The following RALYL variants were observed in gnomAD, a reference collection of about 807,000 sequenced individuals.
RALYL encodes RALY RNA binding protein like.
A neutral mutation model predicts 35.1 loss-of-function variants in RALYL; 29 were observed. The observed-to-expected ratio is 0.83, with a 90% CI of 0.61 to 1.13. The LOEUF (loss-of-function observed/expected upper bound fraction) is 1.13. RALYL is among the 50% of genes most tolerant of loss of function. The pLI, the probability that RALYL is intolerant of heterozygous loss-of-function variation, is 0.00. For missense variants in RALYL, 359 were observed against 360.4 expected (o/e 1.00, Z 0.03); for synonymous variants, 120 against 127.6 (o/e 0.94, Z 0.40).
chr8:84,831,872 T>C (rs761172764), intron 4 of RALYL, among the ~76,000 whole-genome samples: 27 of 152,266 alleles, frequency 1.8e-4, no homozygotes, highest in Non-Finnish European at 3.5e-4. Context: ...CTATAATATT[T>C]GTATGAAATA....
chr8:84,787,494 G>A (rs749141359), intron 3 of RALYL, among the ~76,000 whole-genome samples: 5 of 152,166 alleles, frequency 3.3e-5, no homozygotes, highest in South Asian at 2.1e-4. Context: ...ATGCGCATGT[G>A]TCTTTATAGT....
chr8:84,854,249 G>A (rs997356130), intron 5 of RALYL, among the ~76,000 whole-genome samples: 1 of 152,038 alleles, frequency 6.6e-6, no homozygotes, highest in African/African-American at 2.4e-5. Flanking sequence ...AGGAGGCTGA[G>A]GCAGGAGAAT....
At position 84,372,886 on chromosome 8, in the gene RALYL, G is replaced by GTTTTTTTTTT. The variant is rs76885544; in HGVS notation, c.-23-156393_-23-156384dup. On this transcript the variant is annotated intron_variant, in intron 1 of 8. Coordinates refer to ENST00000521268, the MANE Select transcript of RALYL (RefSeq NM_173848.7). ...TTTCTCCACAACCATGCCAGCATCT[G>GTTTTTTTTTT]TTTTTTTTTTTTTTTTTTTTTTTTT... Among the ~76,000 whole-genome samples, 257 of 39,068 alleles carry GTTTTTTTTTT rather than the reference G, an allele frequency of 6.6e-3. 22 individuals carry two copies. The highest frequency in any genetic ancestry group is 0.028 in the Middle Eastern group (1 of 36). 25.6% of individuals were successfully genotyped at this position (39,068 alleles called of 152,430 possible).
intron 1 of RALYL, among the ~76,000 whole-genome samples, chr8:84,487,638 T>C (rs1278937949): frequency 6.6e-6 from 1 of 152,122 alleles, no homozygotes; most frequent in East Asian, 1.9e-4. Flanking sequence ...TTCTTTTACA[T>C]ATTGTCTATG....
intron 2 of RALYL, among the ~76,000 whole-genome samples, chr8:84,721,206 A>T (rs1402504331): frequency 3.4e-5 from 3 of 87,234 alleles, no homozygotes; most frequent in Non-Finnish European, 7.8e-5. Flanking sequence ...TATCTCTATT[A>T]AAAAAAAAAA....
chr8:84,705,879 A>G, intron 2 of RALYL: 2 of 1,427,602 alleles, frequency 1.4e-6, no homozygotes, highest in Non-Finnish European at 9.1e-7. Context: ...TTTTATGAGA[A>G]TGGTATTACC....
chr8:84,412,780 C>G (rs1009671520), intron 1 of RALYL, among the ~76,000 whole-genome samples: 12 of 151,920 alleles, frequency 7.9e-5, no homozygotes, highest in African/African-American at 2.7e-4. Flanking sequence ...ATTAAGGACC[C>G]AGGTAACTAC....
chr8:84,767,844 C>T (rs1814487474), intron 2 of RALYL, among the ~76,000 whole-genome samples: 1 of 152,202 alleles, frequency 6.6e-6, no homozygotes, highest in African/African-American at 2.4e-5. Flanking sequence ...ACAACGTGGA[C>T]CAGCCTGGTA....
intron 2 of RALYL, among the ~76,000 whole-genome samples, chr8:84,540,313 TTGTGTG>T (rs138650642): frequency 1.7e-4 from 24 of 144,890 alleles, no homozygotes; most frequent in Non-Finnish European, 2.6e-4. Context: ...ATCATAGGAT[TTGTGTG>T]TGTGTGTGTG....
chr8:84,659,344 T>C (rs1489669393), intron 2 of RALYL, among the ~76,000 whole-genome samples: 3 of 152,080 alleles, frequency 2.0e-5, no homozygotes, highest in Non-Finnish European at 4.4e-5. Context: ...CTGGAGTTGA[T>C]AGGGTCTGGC....
intron 6 of RALYL, chr8:84,864,568 G>T (rs952671813): frequency 4.7e-6 from 1 of 214,186 alleles, no homozygotes; most frequent in Non-Finnish European, 9.3e-6. Flanking sequence ...AAGCACTGGG[G>T]AAAATCACTT....
chr8:84,783,988 T>C (rs1586225177), intron 3 of RALYL, among the ~76,000 whole-genome samples: 1 of 152,330 alleles, frequency 6.6e-6, no homozygotes, highest in East Asian at 1.9e-4. Flanking sequence ...GTGTTTTTCT[T>C]CTAATTTTAG....
At chr8:84,580,150 G>A (rs146644174) in intron 2 of RALYL, among the ~76,000 whole-genome samples, 8 of 152,144 alleles carry the variant, frequency 5.3e-5, no homozygotes, top group African/African-American at 1.7e-4. Context: ...GCACAAATTG[G>A]GATAGTTTTT....
At chr8:84,337,990 T>C (rs1250302920) in intron 1 of RALYL, among the ~76,000 whole-genome samples, 3 of 152,006 alleles carry the variant, frequency 2.0e-5, no homozygotes, top group African/African-American at 4.8e-5. Context: ...ACAGCTCAAA[T>C]TAGCTCAAAG....
intron 1 of RALYL, among the ~76,000 whole-genome samples, chr8:84,522,930 T>A (rs908936760): frequency 2.0e-5 from 3 of 152,048 alleles, no homozygotes; most frequent in Non-Finnish European, 2.9e-5. Flanking sequence ...AAGAAAGAAG[T>A]TCCATGGATA....
intron 2 of RALYL, among the ~76,000 whole-genome samples, chr8:84,680,312 G>A (rs1325294317): frequency 3.9e-5 from 6 of 152,000 alleles, no homozygotes; most frequent in African/African-American, 7.2e-5. Flanking sequence ...ATAAACATAC[G>A]TGTGCATGTG....
At chr8:84,910,762 G>GT (rs1202282792) in intron 8 of RALYL, among the ~76,000 whole-genome samples, 1 of 151,228 alleles carries the variant, frequency 6.6e-6, no homozygotes, top group Non-Finnish European at 1.5e-5. Context: ...AATATCATCT[G>GT]TTTTTTTAAA....
intron 2 of RALYL, among the ~76,000 whole-genome samples, chr8:84,675,264 C>A (rs185832665): frequency 6.6e-6 from 1 of 152,002 alleles, no homozygotes; most frequent in South Asian, 2.1e-4. Flanking sequence ...TACAATGTAA[C>A]TTTGGATGAC....
intron 1 of RALYL, among the ~76,000 whole-genome samples, chr8:84,322,748 C>T (rs1289576615): frequency 1.3e-5 from 2 of 152,170 alleles, no homozygotes; most frequent in Non-Finnish European, 2.9e-5. Context: ...TTGCATTTTT[C>T]TCAGGTCCTA....
Sources: gnomAD v4.1 joint callset for allele counts (sites outside exome capture counted in the v4.1 genomes callset) on GRCh38, gnomAD v4.1.1 for gene constraint, MANE v1.5 for transcripts, NCBI Gene and HGNC (gene_info 2026-07-23, HGNC 2026-07-21) for gene names.